The following LIN54 variants were observed in gnomAD, a reference collection of about 807,000 sequenced individuals.
The protein encoded by LIN54 is protein lin-54 homolog.
In LIN54, 9 loss-of-function variants were observed where a neutral mutation model predicts 78.7. That is an observed-to-expected ratio of 0.11 (90% CI 0.07 to 0.20). The LOEUF is 0.20. LIN54 is among the 10% of genes least tolerant of loss of function. The probability of loss-of-function intolerance (pLI) is 1.00; values close to 1 mark genes in which losing one functional copy is unlikely to be tolerated. For missense variants in LIN54, 573 were observed against 889.9 expected (o/e 0.64, Z 4.53); for synonymous variants, 269 against 318.4 (o/e 0.84, Z 1.65).
Position 83,001,942 on chromosome 4 carries a change from G to A in LIN54, c.-33+8542C>T, listed in dbSNP as rs1340817647. Among the ~76,000 whole-genome samples the A allele has an allele frequency of 6.4e-4, 9 of 14,160 alleles. 4 individuals carry two copies. The highest frequency in any genetic ancestry group is 1.5e-3 in the Non-Finnish European group (6 of 4,046). 9.3% of individuals were successfully genotyped at this position (14,160 alleles called of 152,430 possible). On this transcript the variant is annotated intron_variant, in intron 1 of 12. Transcript: ENST00000340417. ...GGGAGGGAGGGAGGGAAGGAAGGAA[G>A]GAAGGAAGGAAGGAAGGAAGGAAGG... is the stretch of plus-strand genomic sequence containing the variant.
At chr4:82,945,453 T>C (rs1190399265) in intron 5 of LIN54, among the ~76,000 whole-genome samples, 1 of 152,058 alleles carries the variant, frequency 6.6e-6, no homozygotes, top group Non-Finnish European at 1.5e-5. Flanking sequence ...CAAACAGGAA[T>C]ATCCTTTAGG....
chr4:83,004,398 C>CAAA (rs34722830), intron 1 of LIN54, among the ~76,000 whole-genome samples: 19 of 100,904 alleles, frequency 1.9e-4, no homozygotes, highest in South Asian at 6.6e-4. Context: ...GACTCCGTTG[C>CAAA]AAAAAAAAAA....
intron 3 of LIN54, among the ~76,000 whole-genome samples, chr4:82,976,580 C>T (rs13110637): frequency 0.18 from 27,904 of 151,774 alleles, 2,741 homozygotes; most frequent in South Asian, 0.32. Context: ...TGGTGGTGGG[C>T]GCCTGTAATC....
At chr4:82,941,506 T>G (rs762365665) in intron 5 of LIN54, among the ~76,000 whole-genome samples, 1 of 152,054 alleles carries the variant, frequency 6.6e-6, no homozygotes, top group Non-Finnish European at 1.5e-5. Flanking sequence ...CAATGAGAAG[T>G]TTCTAGGGAT....
intron 1 of LIN54, among the ~76,000 whole-genome samples, chr4:83,009,541 G>A (rs2126118870): frequency 6.6e-6 from 1 of 152,330 alleles, no homozygotes; most frequent in East Asian, 1.9e-4. Flanking sequence ...CAAGGAGACA[G>A]ACTCCTTACG....
At chr4:83,004,398 CAAAAAA>C (rs34722830) in intron 1 of LIN54, among the ~76,000 whole-genome samples, 21 of 100,938 alleles carry the variant, frequency 2.1e-4, no homozygotes, top group East Asian at 2.7e-4. Flanking sequence ...GACTCCGTTG[CAAAAAA>C]AAAAAAAAAA....
intron 4 of LIN54, among the ~76,000 whole-genome samples, chr4:82,966,455 A>T (rs1414959434): frequency 7.2e-6 from 1 of 139,746 alleles, no homozygotes. Flanking sequence ...ACCTCCTATT[A>T]AAAAAAAAAA....
chr4:82,966,211 C>T lies in LIN54; in HGVS notation c.951+4116G>A, dbSNP rs141882490. Among the ~76,000 whole-genome samples, 22 of 152,164 alleles carry T rather than the reference C, an allele frequency of 1.4e-4. 1 individual carries two copies. Among genetic ancestry groups the T allele is most frequent in the East Asian group, 9.6e-4 (5 of 5,182 alleles). On this transcript the variant is annotated intron_variant, in intron 4 of 12. Transcript: ENST00000340417. ...CATTCAGTTTCACAATGGACATCCTCGTCTAGATAATCTGTGGGTACTTCA... is the reference window on the plus strand; with the variant it reads ...CATTCAGTTTCACAATGGACATCCTTGTCTAGATAATCTGTGGGTACTTCA...
chr4:82,932,674 A>C (rs930586616), intron 11 of LIN54, among the ~76,000 whole-genome samples: 2 of 151,172 alleles, frequency 1.3e-5, no homozygotes, highest in African/African-American at 4.8e-5. Context: ...AAAAAAAAAA[A>C]ATTAGCCAGG....
intron 2 of LIN54, among the ~76,000 whole-genome samples, chr4:82,981,046 T>C (rs147154695): frequency 1.4e-3 from 210 of 152,288 alleles, no homozygotes; most frequent in African/African-American, 4.8e-3. Context: ...TTTTGCACTA[T>C]GAATTCTAAA....
In LIN54 at chr4:82,940,236, T is replaced by G. The variant is rs565811382; in HGVS notation, c.1169-274A>C. Among the ~76,000 whole-genome samples, 23 of 152,330 alleles carry G rather than the reference T, an allele frequency of 1.5e-4. 1 individual carries two copies. Among genetic ancestry groups the G allele is most frequent in the African/African-American group, 5.1e-4 (21 of 41,572 alleles). On this transcript the variant is annotated intron_variant, in intron 5 of 12. Transcript: ENST00000340417. ...ACATTCAAATGAAAATACTTCAATC[T>G]GTATTCAGATGATTTATACATTCAG...
chr4:82,947,235 A>ATATATATATATTTTTT, intron 4 of LIN54, among the ~76,000 whole-genome samples: 13 of 44,288 alleles, frequency 2.9e-4, no homozygotes, highest in Admixed American at 2.5e-3. Context: ...ATATATATAT[A>ATATATATATATTTTTT]TTTTTTTTTT....
chr4:82,976,368 A>G (rs1275015518), intron 3 of LIN54, among the ~76,000 whole-genome samples: 2 of 145,608 alleles, frequency 1.4e-5, no homozygotes, highest in African/African-American at 5.4e-5. Flanking sequence ...TTCAATGAGA[A>G]GCCCAAAAAT....
At chr4:82,985,852 T>C (rs550923084) in intron 1 of LIN54, among the ~76,000 whole-genome samples, 16 of 152,052 alleles carry the variant, frequency 1.1e-4, no homozygotes, top group African/African-American at 3.9e-4. Context: ...TCCTCCGCCA[T>C]TTAAAGTGTC....
chr4:82,939,463 G>A (rs2126036482), intron 7 of LIN54, 76 bp downstream of exon 7: 1 of 1,226,300 alleles, frequency 8.2e-7, no homozygotes, highest in East Asian at 2.3e-5. Context: ...TGTTTGAGTA[G>A]CTTCTGTGAT....
chr4:82,990,686 T>C (rs994037644), intron 1 of LIN54, among the ~76,000 whole-genome samples: 3 of 152,044 alleles, frequency 2.0e-5, no homozygotes, highest in Admixed American at 1.3e-4. Context: ...GGTTTCACCA[T>C]GTTAGCCAGG....
intron 3 of LIN54, among the ~76,000 whole-genome samples, chr4:82,971,026 T>C (rs1725604871): frequency 1.3e-5 from 2 of 152,306 alleles, no homozygotes; most frequent in South Asian, 4.1e-4. Context: ...TGTGTTCCCT[T>C]CTGGACAAGA....
At chr4:82,976,117 T>G (rs1311985641) in intron 3 of LIN54, among the ~76,000 whole-genome samples, 1 of 152,142 alleles carries the variant, frequency 6.6e-6, no homozygotes, top group Admixed American at 6.6e-5. Flanking sequence ...GTTAAATCAG[T>G]AGGTTTGGAG....
In LIN54 at chr4:82,970,415, G is replaced by A; in HGVS notation, c.863C>T (p.Ser288Phe). 1 of 1,612,798 alleles carries A rather than the reference G, an allele frequency of 6.2e-7. No individual in the cohort carries two copies. Among genetic ancestry groups the A allele is most frequent in the Non-Finnish European group, 8.5e-7 (1 of 1,179,020 alleles). ...PGTPSKTITI[S>F]ESGVIGSTLN... ...AGTTGATCCAATAACACCACTTTCA[G>A]ATATTGTTATGGTCTTTGATGGAGT... The change falls in exon 4 of 13, where the codon TCT becomes TTT. Residue 288 changes from serine to phenylalanine, a missense_variant. This residue lies in a region of LIN54 where 199 missense variants were observed against 260.9 expected (regional missense o/e 0.76). Coordinates refer to ENST00000340417, the MANE Select transcript of LIN54 (RefSeq NM_194282.4).
Sources: allele counts gnomAD v4.1 joint callset (sites outside exome capture counted in the v4.1 genomes callset), GRCh38; gene constraint gnomAD v4.1.1; regional missense constraint gnomAD v4.1.1; transcripts MANE v1.5; gene names NCBI Gene and HGNC (gene_info 2026-07-23, HGNC 2026-07-21).